APBB2: variants seen among roughly 807,000 people sequenced by gnomAD.
APBB2 encodes the protein amyloid beta precursor protein binding family B member 2.
APBB2 carries 38 observed loss-of-function variants against 82.5 expected under a neutral mutation model. That is an observed-to-expected ratio of 0.46 (90% CI 0.36 to 0.60). APBB2 has a LOEUF of 0.60. APBB2 is among the 20% of genes least tolerant of loss of function. The pLI is 0.00. For missense variants in APBB2, 772 were observed against 972.3 expected, an observed-to-expected ratio of 0.79 and a Z score of 2.74; for synonymous variants, 341 against 368.2, an observed-to-expected ratio of 0.93 and a Z score of 0.85.
intron 10 of APBB2, among the ~76,000 whole-genome samples, chr4:40,908,126 A>G (rs12643355): frequency 0.24 from 35,943 of 151,646 alleles, 5,245 homozygotes; most frequent in East Asian, 0.54. Context: ...GAGGAGGAAG[A>G]GACAGCAGGG....
At chr4:41,117,477 A>C (rs1015670471) in intron 2 of APBB2, among the ~76,000 whole-genome samples, 18 of 151,774 alleles carry the variant, frequency 1.2e-4, no homozygotes, top group Admixed American at 1.2e-3. Flanking sequence ...ATTTTTGATA[A>C]AGATGGGGTT....
chr4:41,043,840 A>C (rs1302379839), intron 4 of APBB2, among the ~76,000 whole-genome samples: 2 of 152,016 alleles, frequency 1.3e-5, no homozygotes, highest in Non-Finnish European at 2.9e-5. Context: ...TTTCCTTACA[A>C]CTTATTTGTT....
chr4:40,907,371 ATATATATATTTTTT>A (rs1223489595), intron 10 of APBB2, among the ~76,000 whole-genome samples: 11 of 43,098 alleles, frequency 2.6e-4, no homozygotes, highest in African/African-American at 1.1e-3. Flanking sequence ...ATATATATAT[ATATATATATTTTTT>A]TTTTTTTTTT....
intron 11 of APBB2, chr4:40,892,284 G>C (rs574525759): frequency 6.6e-6 from 1 of 152,370 alleles, no homozygotes; most frequent in Non-Finnish European, 1.5e-5. Context: ...ATAATGCGGT[G>C]AGAGAGGACG....
chr4:40,840,808 A>G (rs1755541991), intron 12 of APBB2, among the ~76,000 whole-genome samples: 1 of 152,164 alleles, frequency 6.6e-6, no homozygotes, highest in Non-Finnish European at 1.5e-5. Context: ...TCTCTAGAAC[A>G]GGGTCCTGGT....
chr4:40,821,620 G>A (rs149613490), intron 17 of APBB2, among the ~76,000 whole-genome samples: 38 of 152,276 alleles, frequency 2.5e-4, no homozygotes, highest in African/African-American at 8.2e-4. Flanking sequence ...ATTGACCGTC[G>A]TCAAGGTGGT....
intron 6 of APBB2, among the ~76,000 whole-genome samples, chr4:40,993,254 G>A (rs554535780): frequency 2.0e-5 from 3 of 151,672 alleles, no homozygotes; most frequent in East Asian, 3.9e-4. Flanking sequence ...AGTGTTCATA[G>A]TGCAGTAAAG....
chr4:40,993,359 CTCTT>C (rs1489864110), intron 6 of APBB2, among the ~76,000 whole-genome samples: 14 of 125,954 alleles, frequency 1.1e-4, no homozygotes, highest in Non-Finnish European at 1.8e-4. Flanking sequence ...GAACTCTTCT[CTCTT>C]TTTTTTTTTT....
intron 7 of APBB2, chr4:40,935,449 T>C (rs1050956877): frequency 3.2e-6 from 1 of 312,126 alleles, no homozygotes; most frequent in Non-Finnish European, 5.8e-6. Context: ...ATTCCAAGTA[T>C]TCAATAACTA....
rs1250307704 is a variant in APBB2 at position 40,906,484 on chromosome 4, AAAAAGAAAAG to A, written c.1255-13083_1255-13074del. On this transcript the variant is annotated intron_variant, in intron 10 of 17. Transcript: ENST00000508593. ...TGTCTCAAAAAAAAAAAAAAAAAAA[AAAAAGAAAAG>A]AAAAGAAAAGAAAAAAGAAAACAAA... 2.2e-4 allele frequency among the ~76,000 whole-genome samples: 31 copies of A among 141,646 alleles called. No homozygotes were observed. The East Asian group carries it at 2.5e-3, about 11-fold the overall frequency. The allele number at this position is 141,646 out of a possible 152,430, so 92.9% of individuals were successfully genotyped here.
intron 3 of APBB2, among the ~76,000 whole-genome samples, chr4:41,092,794 G>A (rs1275327106): frequency 6.6e-6 from 1 of 151,828 alleles, no homozygotes; most frequent in African/African-American, 2.4e-5. Flanking sequence ...AAATATCACC[G>A]GCCTCTGTTC....
chr4:41,171,115 C>A (rs1768112778), intron 1 of APBB2, among the ~76,000 whole-genome samples: 1 of 152,132 alleles, frequency 6.6e-6, no homozygotes, highest in African/African-American at 2.4e-5. Flanking sequence ...CTGTCTAGAC[C>A]CCCTCCCAGC....
chr4:40,989,594 T>C (rs915297207), intron 6 of APBB2, among the ~76,000 whole-genome samples: 4 of 152,168 alleles, frequency 2.6e-5, no homozygotes, highest in Admixed American at 2.6e-4. Context: ...CCTATTTGCT[T>C]TGTTAATTTG....
intron 12 of APBB2, among the ~76,000 whole-genome samples, chr4:40,858,461 A>AAAAAAAAAAAAAAAAAAG (rs1761993142): frequency 6.7e-6 from 1 of 148,522 alleles, no homozygotes; most frequent in Admixed American, 6.6e-5. Flanking sequence ...TCTCAAAAAA[A>AAAAAAAAAAAAAAAAAAG]AAAAAAAAAA....
At chr4:40,822,162 G>A in intron 16 of APBB2, 112 bp from the exon 17 acceptor site, 5 of 1,303,800 alleles carry the variant, frequency 3.8e-6, no homozygotes, top group African/African-American at 1.5e-5. Context: ...ATTCAGAAAG[G>A]ACCTGTGTTT....
At chr4:40,827,246 A>G in intron 13 of APBB2, 27 bp from the exon 14 acceptor site, 1 of 1,607,752 alleles carries the variant, frequency 6.2e-7, no homozygotes, top group Non-Finnish European at 8.5e-7. Flanking sequence ...GCAGCTTTGG[A>G]GCGTGGGTTC....
At chr4:41,025,408 G>C (rs893193404) in intron 5 of APBB2, among the ~76,000 whole-genome samples, 2 of 151,964 alleles carry the variant, frequency 1.3e-5, no homozygotes, top group African/African-American at 4.8e-5. Context: ...GCTGTCGGTG[G>C]GAGTGTGAAT....
intron 6 of APBB2, among the ~76,000 whole-genome samples, chr4:40,993,716 G>C (rs1422500618): frequency 6.6e-6 from 1 of 151,922 alleles, no homozygotes; most frequent in Non-Finnish European, 1.5e-5. Flanking sequence ...AAAAACAAAA[G>C]AAAATATTAT....
chr4:41,003,349 G>C (rs529173511), intron 6 of APBB2, among the ~76,000 whole-genome samples: 2 of 152,040 alleles, frequency 1.3e-5, no homozygotes, highest in Non-Finnish European at 2.9e-5. Flanking sequence ...TATAATTCTC[G>C]CAAACATTCT....
Sources: gnomAD v4.1 joint callset for allele counts (sites outside exome capture counted in the v4.1 genomes callset) on GRCh38, gnomAD v4.1.1 for gene constraint, MANE v1.5 for transcripts, NCBI Gene and HGNC (gene_info 2026-07-23, HGNC 2026-07-21) for gene names.